The following MDGA2 variants were observed in gnomAD, a reference collection of about 807,000 sequenced individuals.
MDGA2 encodes MAM domain-containing glycosylphosphatidylinositol anchor protein 2.
In MDGA2, 40 loss-of-function variants were observed where a neutral mutation model predicts 117.8. The observed-to-expected ratio is 0.34, with a 90% CI of 0.26 to 0.44. MDGA2 has a LOEUF of 0.44. Among genes scored for constraint, MDGA2 ranks in the 20% least tolerant of loss-of-function variants. MDGA2 has a pLI of 1.00. For missense variants in MDGA2, 1,123 were observed against 1,250.6 expected (o/e 0.90, Z 1.54); for synonymous variants, 452 against 439.0 (o/e 1.03, Z -0.37).
chr14:47,361,207 C>CTCTCTCTCTA (rs61280975), intron 1 of MDGA2, among the ~76,000 whole-genome samples: 26 of 140,544 alleles, frequency 1.8e-4, no homozygotes, highest in East Asian at 6.4e-4. Context: ...CTCTCTCTCT[C>CTCTCTCTCTA]TATATATATA....
intron 1 of MDGA2, among the ~76,000 whole-genome samples, chr14:47,615,480 C>G (rs191497035): frequency 6.6e-5 from 10 of 152,222 alleles, no homozygotes; most frequent in African/African-American, 2.2e-4. Flanking sequence ...AGTATAGTAG[C>G]CTGGTGTAGT....
At chr14:47,596,251 C>G (rs1896540036) in intron 1 of MDGA2, among the ~76,000 whole-genome samples, 1 of 152,094 alleles carries the variant, frequency 6.6e-6, no homozygotes, top group African/African-American at 2.4e-5. Context: ...AAAACACATA[C>G]AGTTTTGTTC....
chr14:47,422,750 G>A (rs1892605025), intron 1 of MDGA2, among the ~76,000 whole-genome samples: 2 of 152,214 alleles, frequency 1.3e-5, no homozygotes, highest in African/African-American at 4.8e-5. Context: ...TGAAGAATAT[G>A]TTTGTTCCTT....
At chr14:47,423,720 T>C (rs1189803624) in intron 1 of MDGA2, among the ~76,000 whole-genome samples, 1 of 152,202 alleles carries the variant, frequency 6.6e-6, no homozygotes, top group African/African-American at 2.4e-5. Flanking sequence ...TGAATTTTTC[T>C]AGTGACTAAG....
In MDGA2 at chr14:47,300,705, C is replaced by T. The variant is rs1285347071; in HGVS notation, c.420+706G>A. Among the ~76,000 whole-genome samples the T allele has an allele frequency of 2.0e-5, 3 of 150,620 alleles. No individual in the cohort carries two copies. The East Asian group carries it at 5.8e-4, about 29-fold the overall frequency. On this transcript the variant is annotated intron_variant, in intron 2 of 16. Transcript: ENST00000399232. ...GTAGAGACACAGTCTCCTTTTGTTG[C>T]CCAGGCTGGTCGCCAACTTCTGGCC... is the stretch of plus-strand genomic sequence containing the variant.
chr14:47,396,919 T>C (rs182702111), intron 1 of MDGA2, among the ~76,000 whole-genome samples: 3 of 152,288 alleles, frequency 2.0e-5, no homozygotes, highest in African/African-American at 7.2e-5. Flanking sequence ...TGGAAGACAG[T>C]GTGGCGATTC....
At chr14:47,183,043 T>G (rs184966472) in intron 3 of MDGA2, among the ~76,000 whole-genome samples, 1 of 152,312 alleles carries the variant, frequency 6.6e-6, no homozygotes, top group East Asian at 1.9e-4. Flanking sequence ...AAAAACTGCT[T>G]GCTTAGACAC....
chr14:47,388,977 C>A (rs116849426), intron 1 of MDGA2, among the ~76,000 whole-genome samples: 13 of 152,182 alleles, frequency 8.5e-5, no homozygotes, highest in Non-Finnish European at 1.6e-4. Flanking sequence ...TGTATTACAT[C>A]TTCCCTGGTT....
At chr14:47,052,791 G>A (rs912434228) in intron 7 of MDGA2, among the ~76,000 whole-genome samples, 12 of 151,808 alleles carry the variant, frequency 7.9e-5, no homozygotes, top group Non-Finnish European at 1.6e-4. Context: ...TTAAGAAGAT[G>A]CCGCATAATC....
At chr14:47,570,085 A>G (rs1895990856) in intron 1 of MDGA2, among the ~76,000 whole-genome samples, 1 of 152,194 alleles carries the variant, frequency 6.6e-6, no homozygotes. Flanking sequence ...TTTTAAATCA[A>G]TATATAATAT....
chr14:47,212,487 C>T (rs1474593261), intron 3 of MDGA2, among the ~76,000 whole-genome samples: 1 of 152,120 alleles, frequency 6.6e-6, no homozygotes, highest in Non-Finnish European at 1.5e-5. Flanking sequence ...TCAAACAACC[C>T]TAGGTATTTC....
intron 1 of MDGA2, among the ~76,000 whole-genome samples, chr14:47,647,081 A>C (rs1351948510): frequency 6.6e-6 from 1 of 152,192 alleles, no homozygotes; most frequent in East Asian, 1.9e-4. Context: ...CTATCATCAT[A>C]TATGGTATTC....
intron 1 of MDGA2, among the ~76,000 whole-genome samples, chr14:47,508,902 G>A (rs1156490385): frequency 1.3e-5 from 2 of 152,202 alleles, no homozygotes; most frequent in Non-Finnish European, 2.9e-5. Flanking sequence ...GTGTTAGCAA[G>A]GATGGTCTCG....
chr14:46,844,701 A>G (rs1880753359), intron 16 of MDGA2, among the ~76,000 whole-genome samples: 1 of 152,132 alleles, frequency 6.6e-6, no homozygotes, highest in African/African-American at 2.4e-5. Flanking sequence ...ATCTTGAAAT[A>G]TAATCTGCAT....
At chr14:47,046,798 T>C (rs1313806737) in intron 7 of MDGA2, among the ~76,000 whole-genome samples, 1 of 152,042 alleles carries the variant, frequency 6.6e-6, no homozygotes, top group Non-Finnish European at 1.5e-5. Context: ...ATTCCCAAAT[T>C]CCTACAGTTC....
At chr14:47,258,482 G>A (rs546483758) in intron 2 of MDGA2, among the ~76,000 whole-genome samples, 3 of 152,046 alleles carry the variant, frequency 2.0e-5, no homozygotes, top group Admixed American at 6.6e-5. Flanking sequence ...GAAGAAACTC[G>A]CCCCATGATC....
chr14:47,232,511 C>T (rs931336854), intron 2 of MDGA2, among the ~76,000 whole-genome samples: 2 of 152,048 alleles, frequency 1.3e-5, no homozygotes, highest in Non-Finnish European at 2.9e-5. Context: ...ATTCTATTGT[C>T]TGCAATTGAA....
intron 6 of MDGA2, among the ~76,000 whole-genome samples, chr14:47,090,618 G>C (rs929770634): frequency 1.8e-4 from 27 of 152,142 alleles, no homozygotes; most frequent in Admixed American, 6.6e-5. Context: ...AGAGATATTT[G>C]ACCCTTCCAG....
intron 1 of MDGA2, among the ~76,000 whole-genome samples, chr14:47,426,069 G>A (rs1197457520): frequency 6.6e-6 from 1 of 152,010 alleles, no homozygotes; most frequent in East Asian, 1.9e-4. Context: ...TTTTCAAAGA[G>A]TACTGATTGT....
Sources: allele counts gnomAD v4.1 joint callset (sites outside exome capture counted in the v4.1 genomes callset), GRCh38; gene constraint gnomAD v4.1.1; transcripts MANE v1.5; gene names NCBI Gene and HGNC (gene_info 2026-07-23, HGNC 2026-07-21).